Variants in UCMA observed in about 807,000 individuals in gnomAD.
UCMA encodes upper zone of growth plate and cartilage matrix associated, also known as upper zone of growth plate and cartilage matrix-associated protein.
In UCMA, 21 loss-of-function variants were observed where a neutral mutation model predicts 21.8. The ratio of observed to expected loss-of-function variants is 0.97; its 90% CI spans 0.68 to 1.39. The LOEUF (loss-of-function observed/expected upper bound fraction) is 1.39. UCMA is among the 40% of genes most tolerant of loss of function. The pLI, the probability that UCMA is intolerant of heterozygous loss-of-function variation, is 0.00. For synonymous variants in UCMA, 76 were observed against 67.9 expected, an observed-to-expected ratio of 1.12 and a Z score of -0.58; for missense variants, 193 against 178.9, an observed-to-expected ratio of 1.08 and a Z score of -0.45.
intron 3 of UCMA, among the ~76,000 whole-genome samples, chr10:13,232,057 C>T (rs1217175015): frequency 6.6e-6 from 1 of 152,140 alleles, no homozygotes; most frequent in Admixed American, 6.6e-5. Context: ...AATGGTGTAG[C>T]TCATTGTTTG....
chr10:13,228,132 T>TCA (rs1040077874), intron 4 of UCMA, among the ~76,000 whole-genome samples: 1 of 152,068 alleles, frequency 6.6e-6, no homozygotes, highest in Admixed American at 6.6e-5. Flanking sequence ...CAATCTTGGC[T>TCA]CACTGCAAGC....
chr10:13,225,624 G>A (rs887144883), intron 4 of UCMA, among the ~76,000 whole-genome samples: 1 of 145,590 alleles, frequency 6.9e-6, no homozygotes, highest in Non-Finnish European at 1.5e-5. Flanking sequence ...TCATTGAGCC[G>A]AGATAGCGCC....
At chr10:13,228,781 TAGG>T (rs1186733196) in intron 4 of UCMA, among the ~76,000 whole-genome samples, 1 of 151,720 alleles carries the variant, frequency 6.6e-6, no homozygotes, top group Non-Finnish European at 1.5e-5. Flanking sequence ...GATGCCCAAA[TAGG>T]AGGAGGGAGG....
chr10:13,229,215 C>A (rs975987046), intron 4 of UCMA, among the ~76,000 whole-genome samples: 1 of 152,164 alleles, frequency 6.6e-6, no homozygotes, highest in African/African-American at 2.4e-5. Context: ...GGATTACAGG[C>A]ATGAGCGACT....
intron 4 of UCMA, 79 bp from the exon 5 acceptor site, chr10:13,222,279 C>T: frequency 1.0e-5 from 14 of 1,379,550 alleles, no homozygotes; most frequent in Non-Finnish European, 1.4e-5. Context: ...ATCAGCCGAA[C>T]CCCTGCCCTG....
At chr10:13,225,536 G>A (rs955843490) in intron 4 of UCMA, among the ~76,000 whole-genome samples, 15 of 152,042 alleles carry the variant, frequency 9.9e-5, no homozygotes, top group East Asian at 3.9e-4. Flanking sequence ...TTAGCAAGGC[G>A]TGGTGGTGGG....
intron 3 of UCMA, among the ~76,000 whole-genome samples, chr10:13,230,137 G>A (rs941140145): frequency 3.9e-5 from 6 of 152,116 alleles, no homozygotes; most frequent in South Asian, 4.1e-4. Context: ...TTAAAAAGCC[G>A]AATAAGAAAG....
At chr10:13,233,705 C>A (rs376378966) in intron 2 of UCMA, 30 bp downstream of exon 2, 1 of 1,613,974 alleles carries the variant, frequency 6.2e-7, no homozygotes. Context: ...GCTGCACCTG[C>A]CCTGCCCCGT....
intron 3 of UCMA, among the ~76,000 whole-genome samples, chr10:13,233,253 T>G (rs1177304490): frequency 6.6e-6 from 1 of 152,248 alleles, no homozygotes; most frequent in African/African-American, 2.4e-5. Context: ...GTGTGTTTAA[T>G]GTAGCATCAT....
In UCMA at chr10:13,233,468, AGAG is replaced by A. The variant is rs1362960186; in HGVS notation, c.220+67_220+69del. The A allele has an allele frequency of 1.7e-5, 22 of 1,269,066 alleles. 1 individual carries two copies. The highest frequency in any genetic ancestry group is 2.4e-5 in the Non-Finnish European group (21 of 881,232). 78.6% of individuals were successfully genotyped at this position (1,269,066 alleles called of 1,614,324 possible). On this transcript the variant is annotated intron_variant, in intron 3 of 4. Coordinates refer to ENST00000378681, the MANE Select transcript of UCMA (RefSeq NM_145314.3). ...ATCCTGCTGCCCGGCTGACTGTGGG[AGAG>A]GAGGAGCCGGGGGGTGTGAGCAGAG...
At chr10:13,228,599 A>G (rs1264127679) in intron 4 of UCMA, among the ~76,000 whole-genome samples, 1 of 152,124 alleles carries the variant, frequency 6.6e-6, no homozygotes, top group Admixed American at 6.6e-5. Context: ...TGCTGAGTAC[A>G]CTGAATAGGT....
chr10:13,227,156 C>T (rs1291324022), intron 4 of UCMA, among the ~76,000 whole-genome samples: 1 of 152,126 alleles, frequency 6.6e-6, no homozygotes, highest in Non-Finnish European at 1.5e-5. Flanking sequence ...CACCTGTTTG[C>T]AGGCCTCAGC....
At chr10:13,229,810 G>T (rs1410533557) in intron 3 of UCMA, 101 bp from the exon 4 acceptor site, 2 of 910,520 alleles carry the variant, frequency 2.2e-6, no homozygotes, top group Non-Finnish European at 3.5e-6. Flanking sequence ...ACCTGGTTGG[G>T]GGATGAGTGG....
intron 4 of UCMA, among the ~76,000 whole-genome samples, chr10:13,223,391 A>G (rs971636890): frequency 1.3e-5 from 2 of 152,202 alleles, no homozygotes; most frequent in African/African-American, 4.8e-5. Flanking sequence ...ATGGATAAAC[A>G]AAATGTGGTG....
chr10:13,227,033 GC>G, intron 4 of UCMA, among the ~76,000 whole-genome samples: 1 of 152,184 alleles, frequency 6.6e-6, no homozygotes, highest in South Asian at 2.1e-4. Flanking sequence ...TCCCCAAGCT[GC>G]CCACCAAGAT....
rs573255012 is a variant in UCMA, at chr10:13,225,456, C to T, written c.320-3256G>A. On this transcript the variant is annotated intron_variant, in intron 4 of 4. Coordinates refer to ENST00000378681, the MANE Select transcript of UCMA (RefSeq NM_145314.3). Reference sequence around the variant, plus strand: ...GTGGGAGGCCGAGGTGGGCAGATCACCTGAAGTCAGGAGTTCAAGACCAGC... The same window carrying T: ...GTGGGAGGCCGAGGTGGGCAGATCATCTGAAGTCAGGAGTTCAAGACCAGC... Among the ~76,000 whole-genome samples the T allele has an allele frequency of 6.4e-4, 97 of 152,080 alleles. 1 individual carries two copies. The highest frequency in any genetic ancestry group is 2.3e-3 in the African/African-American group (94 of 41,494).
intron 4 of UCMA, among the ~76,000 whole-genome samples, chr10:13,226,512 A>G (rs1834825678): frequency 6.6e-6 from 1 of 152,044 alleles, no homozygotes; most frequent in South Asian, 2.1e-4. Flanking sequence ...TTTTGTAGAG[A>G]CAGGGCCTCG....
intron 4 of UCMA, among the ~76,000 whole-genome samples, chr10:13,225,512 T>C (rs575914219): frequency 2.0e-5 from 3 of 151,806 alleles, no homozygotes; most frequent in African/African-American, 7.2e-5. Flanking sequence ...GTGTCTCTAC[T>C]AAAAATACAA....
At position 13,233,506 on chromosome 10, in the gene UCMA, G is replaced by T. The variant is rs763033394; in HGVS notation, c.220+32C>A. 6.3e-6 allele frequency: 10 copies of T among 1,582,798 alleles called. No homozygotes were observed. The South Asian group carries it at 1.0e-4, about 16-fold the overall frequency. ...GGGGGTGTGAGCAGAGGTGGTGATG[G>T]ACGCGGGATGGGGTCCCTCCAGCAT... On this transcript the variant is annotated intron_variant, in intron 3 of 4. Coordinates refer to ENST00000378681, the MANE Select transcript of UCMA (RefSeq NM_145314.3).
Sources: allele counts gnomAD v4.1 joint callset (sites outside exome capture counted in the v4.1 genomes callset), GRCh38; gene constraint gnomAD v4.1.1; transcripts MANE v1.5; gene names NCBI Gene and HGNC (gene_info 2026-07-23, HGNC 2026-07-21).